OLA1: variants seen among roughly 807,000 people sequenced by gnomAD.
The protein encoded by OLA1 is Obg like ATPase 1.
OLA1 carries 14 observed loss-of-function variants against 48.4 expected under a neutral mutation model. That is an observed-to-expected ratio of 0.29 (90% CI 0.19 to 0.45). OLA1 has a LOEUF of 0.45. Among genes scored for constraint, OLA1 ranks in the 20% least tolerant of loss-of-function variants. OLA1 has a pLI of 1.00. For synonymous variants in OLA1, 127 were observed against 150.4 expected (o/e 0.84, Z 1.14); for missense variants, 325 against 467.1 (o/e 0.70, Z 2.80).
intron 5 of OLA1, 120 bp from the exon 6 acceptor site, chr2:174,123,795 G>A: frequency 2.4e-6 from 1 of 419,224 alleles, no homozygotes; most frequent in Non-Finnish European, 4.2e-6. Flanking sequence ...AGGGGGCTAG[G>A]TCACACAAAT....
chr2:174,163,705 T>A lies in OLA1; in HGVS notation c.374-21705A>T, dbSNP rs865899715. On this transcript the variant is annotated intron_variant, in intron 4 of 10. Coordinates refer to ENST00000284719, the MANE Select transcript of OLA1 (RefSeq NM_013341.5). ...GACCTTGTCTCAAAAATAAAATAAA[T>A]AAATAAATATATATATATATATATA... is the stretch of plus-strand genomic sequence containing the variant. Among the ~76,000 whole-genome samples the A allele has an allele frequency of 5.8e-3, 251 of 43,512 alleles. 10 individuals carry two copies. The highest frequency in any genetic ancestry group is 0.033 in the African/African-American group (245 of 7,504). 28.5% of individuals were successfully genotyped at this position (43,512 alleles called of 152,430 possible).
chr2:174,197,444 T>TA (rs1687902262), intron 4 of OLA1, among the ~76,000 whole-genome samples: 1 of 149,184 alleles, frequency 6.7e-6, no homozygotes, highest in Admixed American at 6.7e-5. Flanking sequence ...TTTTTTTTTT[T>TA]ATGAGAATAA....
At chr2:174,170,706 G>C (rs149583159) in intron 4 of OLA1, among the ~76,000 whole-genome samples, 1 of 152,208 alleles carries the variant, frequency 6.6e-6, no homozygotes, top group African/African-American at 2.4e-5. Context: ...AAGATCAGCC[G>C]AGGCAACATA....
At chr2:174,202,227 T>C (rs930714087) in intron 4 of OLA1, among the ~76,000 whole-genome samples, 9 of 152,198 alleles carry the variant, frequency 5.9e-5, no homozygotes, top group Non-Finnish European at 1.0e-4. Flanking sequence ...GATTGTTATA[T>C]GACACCATTC....
intron 7 of OLA1, among the ~76,000 whole-genome samples, chr2:174,108,515 C>T (rs1347699682): frequency 2.0e-5 from 3 of 152,170 alleles, no homozygotes; most frequent in Non-Finnish European, 4.4e-5. Context: ...TATGAGAACT[C>T]AAATCCATAA....
At chr2:174,182,143 T>C (rs1215288622) in intron 4 of OLA1, among the ~76,000 whole-genome samples, 4 of 152,228 alleles carry the variant, frequency 2.6e-5, no homozygotes, top group Non-Finnish European at 5.9e-5. Context: ...AAGTAAACTG[T>C]AGTATGTTCC....
chr2:174,106,556 T>C (rs1040014089), intron 7 of OLA1, among the ~76,000 whole-genome samples: 1 of 152,160 alleles, frequency 6.6e-6, no homozygotes, highest in Admixed American at 6.6e-5. Context: ...TATTAAAGTT[T>C]GAGAAATTGC....
chr2:174,156,692 C>T (rs1398112054), intron 4 of OLA1, among the ~76,000 whole-genome samples: 1 of 148,060 alleles, frequency 6.8e-6, no homozygotes, highest in African/African-American at 2.5e-5. Flanking sequence ...TCAAGCCATT[C>T]TCCTGCCTCA....
intron 5 of OLA1, among the ~76,000 whole-genome samples, chr2:174,123,978 C>T (rs1685983210): frequency 6.6e-6 from 1 of 151,990 alleles, no homozygotes; most frequent in African/African-American, 2.4e-5. Context: ...TTCAATATTA[C>T]CTAGTGATGC....
intron 2 of OLA1, chr2:174,240,258 T>G (rs985000325): frequency 1.3e-5 from 2 of 152,220 alleles, no homozygotes; most frequent in African/African-American, 4.8e-5. Flanking sequence ...TTCACCCTCC[T>G]TAGACAACCT....
intron 5 of OLA1, among the ~76,000 whole-genome samples, chr2:174,132,877 T>C (rs1273571513): frequency 3.9e-5 from 6 of 152,228 alleles, no homozygotes; most frequent in African/African-American, 1.4e-4. Context: ...TTAACTCTTC[T>C]ATATTCTTTA....
chr2:174,135,074 G>T (rs1009814289), intron 5 of OLA1, among the ~76,000 whole-genome samples: 22 of 149,746 alleles, frequency 1.5e-4, no homozygotes, highest in African/African-American at 5.4e-4. Flanking sequence ...GCAGGAGACT[G>T]GCATGAACCC....
chr2:174,129,483 A>G (rs2033303297), intron 5 of OLA1, among the ~76,000 whole-genome samples: 1 of 150,162 alleles, frequency 6.7e-6, no homozygotes, highest in African/African-American at 2.4e-5. Context: ...AAATAAATAA[A>G]TAAATAAATA....
chr2:174,160,870 T>G (rs1203172368), intron 4 of OLA1, among the ~76,000 whole-genome samples: 2 of 152,196 alleles, frequency 1.3e-5, no homozygotes, highest in Non-Finnish European at 2.9e-5. Context: ...GATGTGGAAA[T>G]CTGAAAATAG....
At chr2:174,212,846 G>A (rs1688275000) in intron 4 of OLA1, among the ~76,000 whole-genome samples, 1 of 152,300 alleles carries the variant, frequency 6.6e-6, no homozygotes, top group Admixed American at 6.5e-5. Context: ...CACCCATGGA[G>A]CTGTCATCTC....
chr2:174,081,102 ATT>A, intron 9 of OLA1, 48 bp downstream of exon 9: 1 of 1,454,252 alleles, frequency 6.9e-7, no homozygotes, highest in Non-Finnish European at 9.7e-7. Flanking sequence ...ATCAATCTGA[ATT>A]CAATAGTGTG....
At chr2:174,239,899 A>C (rs912897755) in intron 2 of OLA1, among the ~76,000 whole-genome samples, 4 of 152,108 alleles carry the variant, frequency 2.6e-5, no homozygotes, top group South Asian at 4.2e-4. Context: ...ATCTCAAAAA[A>C]AAAACAAAAA....
intron 4 of OLA1, among the ~76,000 whole-genome samples, chr2:174,155,964 T>G (rs1306138631): frequency 6.6e-6 from 1 of 152,164 alleles, no homozygotes; most frequent in Non-Finnish European, 1.5e-5. Flanking sequence ...TCAGACTGAC[T>G]GATTAGTTGT....
At chr2:174,106,054 G>C (rs1685508926) in intron 7 of OLA1, among the ~76,000 whole-genome samples, 1 of 151,832 alleles carries the variant, frequency 6.6e-6, no homozygotes, top group African/African-American at 2.4e-5. Flanking sequence ...TATTAAAATG[G>C]TAATTTCTAA....
Sources: allele counts gnomAD v4.1 joint callset (sites outside exome capture counted in the v4.1 genomes callset), GRCh38; gene constraint gnomAD v4.1.1; transcripts MANE v1.5; gene names NCBI Gene and HGNC (gene_info 2026-07-23, HGNC 2026-07-21).